The following WDFY4 variants were observed in gnomAD, a reference collection of about 807,000 sequenced individuals.
WDFY4 encodes WD repeat- and FYVE domain-containing protein 4.
In WDFY4, 169 loss-of-function variants were observed where a neutral mutation model predicts 351.9. The ratio of observed to expected loss-of-function variants is 0.48; its 90% CI spans 0.42 to 0.55. WDFY4 has a LOEUF of 0.55. Ranked by LOEUF, WDFY4 falls within the 20% of genes least tolerant of loss-of-function variation. The pLI is 0.00. For synonymous variants in WDFY4, 1,622 were observed against 1,574.6 expected (o/e 1.03, Z -0.71); for missense variants, 3,803 against 3,935.6 (o/e 0.97, Z 0.90).
At chr10:48,951,825 C>G (rs533910847) in intron 51 of WDFY4, among the ~76,000 whole-genome samples, 5 of 152,268 alleles carry the variant, frequency 3.3e-5, no homozygotes, top group African/African-American at 4.8e-5. Flanking sequence ...ACCAGTTGCT[C>G]TCAGGCCTGA....
chr10:48,963,272 GC>G, intron 53 of WDFY4, among the ~76,000 whole-genome samples: 1 of 152,230 alleles, frequency 6.6e-6, no homozygotes, highest in Non-Finnish European at 1.5e-5. Flanking sequence ...CTGTGTGTCA[GC>G]CGTGGACACA....
intron 27 of WDFY4, among the ~76,000 whole-genome samples, chr10:48,806,473 C>T (rs1342095187): frequency 1.3e-5 from 2 of 152,200 alleles, no homozygotes; most frequent in African/African-American, 4.8e-5. Flanking sequence ...ATGGCCTGCC[C>T]TCTGTCCGTG....
At chr10:48,716,405 G>A (rs551739848) in intron 2 of WDFY4, among the ~76,000 whole-genome samples, 3 of 152,260 alleles carry the variant, frequency 2.0e-5, no homozygotes, top group African/African-American at 7.2e-5. Flanking sequence ...GAGGCACGAT[G>A]GTGCAGCTTA....
intron 48 of WDFY4, 111 bp downstream of exon 48, chr10:48,941,959 T>TTTA (rs201828091): frequency 1.5e-5 from 15 of 1,004,180 alleles, no homozygotes; most frequent in East Asian, 8.2e-5. Flanking sequence ...GATCTTATTA[T>TTTA]TTATTATTAT....
intron 39 of WDFY4, among the ~76,000 whole-genome samples, chr10:48,863,680 C>A (rs1453299723): frequency 6.6e-6 from 1 of 151,872 alleles, no homozygotes; most frequent in Non-Finnish European, 1.5e-5. Flanking sequence ...TTTCGAAGCA[C>A]AAATTTTTAC....
intron 25 of WDFY4, among the ~76,000 whole-genome samples, chr10:48,804,025 C>T (rs1722788973): frequency 6.6e-6 from 1 of 152,208 alleles, no homozygotes; most frequent in African/African-American, 2.4e-5. Flanking sequence ...AAAAATTTAA[C>T]AGTCTTAGCT....
chr10:48,902,074 GCCCTGTGGCTTTTTCAGA>G (rs1218819931), intron 47 of WDFY4, among the ~76,000 whole-genome samples: 203 of 152,320 alleles, frequency 1.3e-3, no homozygotes, highest in African/African-American at 4.6e-3. Flanking sequence ...AGTCTCACAT[GCCCTGTGGCTTTTTCAGA>G]CCCAAGTGGC....
In WDFY4 at chr10:48,867,759, G is replaced by T. The variant is rs576434219; in HGVS notation, c.6741+417G>T. 3.9e-5 allele frequency among the ~76,000 whole-genome samples: 6 copies of T among 152,328 alleles called. No homozygotes were observed. The South Asian group carries it at 1.2e-3, about 32-fold the overall frequency. On this transcript the variant is annotated intron_variant, in intron 40 of 61. Coordinates refer to ENST00000325239, the MANE Select transcript of WDFY4 (RefSeq NM_001394531.1). ...AATGGATAACCCATGTGTGGTTATA[G>T]AATAGCTAAGAAGTTTATTTTTATT...
intron 53 of WDFY4, among the ~76,000 whole-genome samples, chr10:48,962,727 G>A (rs1841917233): frequency 6.6e-6 from 1 of 152,136 alleles, no homozygotes; most frequent in Admixed American, 6.5e-5. Context: ...AATGGGATGA[G>A]GTTTACTTCT....
chr10:48,818,717 CTAAATA>C (rs903611768), intron 32 of WDFY4, among the ~76,000 whole-genome samples: 1 of 152,066 alleles, frequency 6.6e-6, no homozygotes, highest in Non-Finnish European at 1.5e-5. Context: ...AATAAAAAGA[CTAAATA>C]TAAAGACCAG....
intron 39 of WDFY4, among the ~76,000 whole-genome samples, chr10:48,841,123 G>T (rs2068589248): frequency 6.6e-6 from 1 of 152,212 alleles, no homozygotes; most frequent in Non-Finnish European, 1.5e-5. Context: ...TTTCAAAATT[G>T]CTTAGAGCAA....
In WDFY4 at chr10:48,900,324, C is replaced by T. The variant is rs1442869965; in HGVS notation, c.7523+18C>T. On this transcript the variant is annotated intron_variant, in intron 46 of 61. Coordinates refer to ENST00000325239, the MANE Select transcript of WDFY4 (RefSeq NM_001394531.1). ...TTTAAAAGGTAAGAGCTTGAAAATC[C>T]TCCTTCTGAGGAAACTGATCCTGAA... 6 of 1,545,816 alleles carry T rather than the reference C, an allele frequency of 3.9e-6. No individual in the cohort carries two copies. The highest frequency in any genetic ancestry group is 5.3e-6 in the Non-Finnish European group (6 of 1,142,622).
chr10:48,773,915 A>C (rs2065945758), intron 13 of WDFY4, among the ~76,000 whole-genome samples: 1 of 152,108 alleles, frequency 6.6e-6, no homozygotes, highest in Non-Finnish European at 1.5e-5. Flanking sequence ...GAACTCCAAC[A>C]CAGGAACTGT....
Position 48,978,409 on chromosome 10 carries a change from G to A in WDFY4, c.9376+16G>A. 1 of 1,546,456 alleles carries A rather than the reference G, an allele frequency of 6.5e-7. No individual in the cohort carries two copies. Among genetic ancestry groups the A allele is most frequent in the South Asian group, 1.2e-5 (1 of 83,370 alleles). The stretch of plus-strand genomic sequence containing the variant: ...AGCCCAAGAGGTACCTGACCTGCTA[G>A]GGATGTGGCCGTCCTGGCCTTGCCC... On this transcript the variant is annotated intron_variant, in intron 60 of 61. Coordinates refer to ENST00000325239, the MANE Select transcript of WDFY4 (RefSeq NM_001394531.1).
At chr10:48,759,172 C>T (rs2065424663) in intron 12 of WDFY4, among the ~76,000 whole-genome samples, 4 of 152,148 alleles carry the variant, frequency 2.6e-5, no homozygotes, top group Admixed American at 6.5e-5. Context: ...TTGATGTGCG[C>T]TCACTTGCTT....
chr10:48,722,938 G>A (rs1482011880), intron 4 of WDFY4, among the ~76,000 whole-genome samples: 3 of 152,142 alleles, frequency 2.0e-5, no homozygotes, highest in South Asian at 2.1e-4. Context: ...GGACCTTGAC[G>A]AGATCTGTCT....
In WDFY4 at chr10:48,743,432, T is replaced by G; in HGVS notation, c.2343T>G (p.Arg781=). 6.4e-7 allele frequency: 1 copy of G among 1,551,188 alleles called. No individual in the cohort carries two copies. Residue 781 remains arginine (R), a synonymous_variant, in exon 12 of 62, where the codon CGT becomes CGG. Coordinates refer to ENST00000325239, the MANE Select transcript of WDFY4 (RefSeq NM_001394531.1). ...DSMASGTLHL[R]GDLKESLRTK... ...TGGCCAGCGGCACCCTCCACTTGCGTGGGGACCTGAAGGAGTCCCTGAGGA... is the reference window on the plus strand; with the variant it reads ...TGGCCAGCGGCACCCTCCACTTGCGGGGGGACCTGAAGGAGTCCCTGAGGA...
At chr10:48,889,088 A>T (rs2070583666) in intron 43 of WDFY4, among the ~76,000 whole-genome samples, 1 of 152,258 alleles carries the variant, frequency 6.6e-6, no homozygotes, top group African/African-American at 2.4e-5. Flanking sequence ...ATTGGAAATG[A>T]GTCCACTTTG....
intron 11 of WDFY4, among the ~76,000 whole-genome samples, chr10:48,737,759 G>A (rs1450120652): frequency 6.6e-6 from 1 of 152,206 alleles, no homozygotes; most frequent in East Asian, 1.9e-4. Flanking sequence ...CTTGAGGTAA[G>A]GGAAGTGAGA....
Sources: gnomAD v4.1 joint callset for allele counts (sites outside exome capture counted in the v4.1 genomes callset) on GRCh38, gnomAD v4.1.1 for gene constraint, MANE v1.5 for transcripts, NCBI Gene and HGNC (gene_info 2026-07-23, HGNC 2026-07-21) for gene names.